PKD1L1: variants seen among roughly 807,000 people sequenced by gnomAD.
PKD1L1 encodes the protein polycystin-1-like protein 1.
A neutral mutation model predicts 323.4 loss-of-function variants in PKD1L1; 236 were observed. The ratio of observed to expected loss-of-function variants is 0.73; its 90% CI spans 0.66 to 0.81. PKD1L1 has a LOEUF of 0.81. PKD1L1 is among the 40% of genes least tolerant of loss of function. The probability of loss-of-function intolerance (pLI) is 0.00; values close to 1 mark genes in which losing one functional copy is unlikely to be tolerated. For synonymous variants in PKD1L1, 1,344 were observed against 1,335.0 expected (o/e 1.01, Z -0.15); for missense variants, 3,320 against 3,508.0 (o/e 0.95, Z 1.35).
At chr7:47,872,853 T>C (rs6970527) in intron 24 of PKD1L1, among the ~76,000 whole-genome samples, 49,384 of 151,976 alleles carry the variant, frequency 0.32, 8,585 homozygotes, top group African/African-American at 0.43. Flanking sequence ...ACACAAAAAC[T>C]TGCACATAAA....
At chr7:47,841,519 T>C (rs1785563409) in intron 34 of PKD1L1, among the ~76,000 whole-genome samples, 1 of 152,270 alleles carries the variant, frequency 6.6e-6, no homozygotes. Context: ...CAAAACACTG[T>C]CCTGGAATTA....
chr7:47,913,000 T>C (rs1265313529), intron 8 of PKD1L1, among the ~76,000 whole-genome samples: 1 of 151,962 alleles, frequency 6.6e-6, no homozygotes, highest in Non-Finnish European at 1.5e-5. Flanking sequence ...GAATTTCTGA[T>C]TCAGTAGGTC....
chr7:47,813,250 G>A lies in PKD1L1; in HGVS notation c.7217C>T (p.Thr2406Ile). 1 of 1,614,202 alleles carries A rather than the reference G, an allele frequency of 6.2e-7. No individual in the cohort carries two copies. Among genetic ancestry groups the A allele is most frequent in the African/African-American group, 1.3e-5 (1 of 75,062 alleles). Residue 2406 changes from threonine (T) to isoleucine (I), a missense_variant, in exon 49 of 57, where the codon ACA becomes ATA. Thr to Ile is a moderately conservative substitution (Grantham distance 89). Coordinates refer to ENST00000289672, the MANE Select transcript of PKD1L1 (RefSeq NM_138295.5). Reference sequence around the variant, plus strand: ...AGGGCCTCCAACTTCGGGACTACATGTAGGAATAGAGTCTTCGATGAGTGC... The same window carrying A: ...AGGGCCTCCAACTTCGGGACTACATATAGGAATAGAGTCTTCGATGAGTGC... ...FSALIEDSIPTCSPEVGGPEN... is the reference protein window; with the variant it reads ...FSALIEDSIPICSPEVGGPEN...
chr7:47,828,428 C>A (rs1429785827), intron 44 of PKD1L1, among the ~76,000 whole-genome samples: 2 of 151,820 alleles, frequency 1.3e-5, no homozygotes, highest in Non-Finnish European at 2.9e-5. Context: ...TATGAGGGAA[C>A]AAGGGCAACG....
rs1786668571 is a variant in PKD1L1 at position 47,885,779 on chromosome 7, C to T, written c.3112G>A (p.Asp1038Asn). The T allele has an allele frequency of 6.2e-7, 1 of 1,614,096 alleles. No individual in the cohort carries two copies. The highest frequency in any genetic ancestry group is 1.7e-5 in the Admixed American group (1 of 60,006). The change falls in exon 18 of 57, where the codon GAC (aspartate) becomes AAC (asparagine). Residue 1038 changes from aspartate (D) to asparagine (N), a missense_variant. By Grantham distance (23) the Asp-to-Asn change is conservative. Transcript: ENST00000289672. ...TTGCTCTGTGGCCCTGGCTCTAGGT[C>T]TAGTGAACCTTCCTCTGGAGCCTCC... ...LGEAPEEGSLDLEPGPQSKGS... is the reference protein window; with the variant it reads ...LGEAPEEGSLNLEPGPQSKGS...
intron 7 of PKD1L1, among the ~76,000 whole-genome samples, chr7:47,926,724 C>T (rs2686816): frequency 0.42 from 63,621 of 152,020 alleles, 14,694 homozygotes; most frequent in East Asian, 0.51. Context: ...CAAGGGAAGC[C>T]AGCAAATCAC....
chr7:47,886,285 C>T (rs112301956), intron 17 of PKD1L1, among the ~76,000 whole-genome samples: 2 of 152,018 alleles, frequency 1.3e-5, no homozygotes, highest in Admixed American at 6.5e-5. Context: ...GGATTCACAG[C>T]GATTGCACCT....
Position 47,834,958 on chromosome 7 carries a change from T to C in PKD1L1, c.6127+9A>G, listed in dbSNP as rs1785425185. On this transcript the variant is annotated intron_variant, in intron 39 of 56. Transcript: ENST00000289672. Reference sequence around the variant, plus strand: ...CGGAGAGTTTCTGAGAGTTTTAATGTACATTTACCATGGGGTGCCTCGGTC... The same window carrying C: ...CGGAGAGTTTCTGAGAGTTTTAATGCACATTTACCATGGGGTGCCTCGGTC... 13 of 1,612,498 alleles carry C rather than the reference T, an allele frequency of 8.1e-6. No homozygotes were observed. The highest frequency in any genetic ancestry group is 1.3e-5 in the African/African-American group (1 of 74,914).
Position 47,931,363 on chromosome 7 carries a change from C to T in PKD1L1, c.520-42G>A, listed in dbSNP as rs200469616. On this transcript the variant is annotated intron_variant, in intron 5 of 56. Transcript: ENST00000289672. ...CAGTTCAGGGTTTATTGAATGGCCT[C>T]GTCTGGCATCAGTAGCTGATGTCCG... is the stretch of plus-strand genomic sequence containing the variant. 111 of 1,599,906 alleles carry T rather than the reference C, an allele frequency of 6.9e-5. No individual in the cohort carries two copies. In the East Asian group the frequency reaches 1.4e-3, roughly 20 times the overall value.
chr7:47,819,728 A>G, intron 46 of PKD1L1: 1 of 436,020 alleles, frequency 2.3e-6, no homozygotes, highest in South Asian at 1.9e-5. Context: ...TTACCTTACG[A>G]GTGGGTCACA....
At chr7:47,799,158 G>T (rs969423234) in intron 54 of PKD1L1, among the ~76,000 whole-genome samples, 2 of 152,212 alleles carry the variant, frequency 1.3e-5, no homozygotes, top group African/African-American at 4.8e-5. Flanking sequence ...ATGAGTGAGT[G>T]CATGAATGAA....
upstream of PKD1L1, among the ~76,000 whole-genome samples, chr7:47,951,912 A>C (rs1788210520): frequency 6.6e-6 from 1 of 152,064 alleles, no homozygotes; most frequent in African/African-American, 2.4e-5. Context: ...CTCCAAATGG[A>C]GCTTCCCGGG....
rs1231557720 is a variant in PKD1L1, at chr7:47,947,966, T to G, written c.44+431A>C. 2.6e-5 allele frequency among the ~76,000 whole-genome samples: 4 copies of G among 151,674 alleles called. No individual in the cohort carries two copies. The East Asian group carries it at 7.7e-4, about 29-fold the overall frequency. Reference sequence around the variant, plus strand: ...CTGGGCAACAGAGAGAGACTCCGTCTCAAAAAAAAAGAAATAAGACCCCTG... The same window carrying G: ...CTGGGCAACAGAGAGAGACTCCGTCGCAAAAAAAAAGAAATAAGACCCCTG... On this transcript the variant is annotated intron_variant, in intron 1 of 56. Coordinates refer to ENST00000289672, the MANE Select transcript of PKD1L1 (RefSeq NM_138295.5).
the PKD1L1 span, among the ~76,000 whole-genome samples, chr7:47,960,650 A>G: frequency 6.6e-6 from 1 of 151,194 alleles, no homozygotes; most frequent in African/African-American, 2.4e-5. Flanking sequence ...TTCCTGAACA[A>G]TAAGATGTAT....
At chr7:47,791,697 T>C (rs528788489) in intron 56 of PKD1L1, among the ~76,000 whole-genome samples, 19 of 152,356 alleles carry the variant, frequency 1.2e-4, no homozygotes, top group South Asian at 6.2e-4. Context: ...TGTTCTTCCC[T>C]GGGTTGTTGT....
rs1785595511 is a variant in PKD1L1 at position 47,843,081 on chromosome 7, G to A, written c.5326C>T (p.His1776Tyr). The A allele has an allele frequency of 2.5e-6, 4 of 1,613,740 alleles. No homozygotes were observed. Among genetic ancestry groups the A allele is most frequent in the Middle Eastern group, 1.7e-4 (1 of 6,056 alleles). ...FLVAKSRQVD[H>Y]HEKKKAGYIF... is the part of the protein sequence containing the mutation. ...TAACCAGCTTTCTTTTTTTCATGAT[G>A]ATCTACTTGTCTACTTTTAGCGACC... Residue 1776 changes from histidine (H) to tyrosine (Y), a missense_variant, in exon 34 of 57, where the codon CAT becomes TAT. Physicochemically the swap from His to Tyr is moderately conservative, Grantham distance 83. Transcript: ENST00000289672.
At chr7:47,889,272 A>C (rs1171712070) in intron 16 of PKD1L1, among the ~76,000 whole-genome samples, 1 of 152,226 alleles carries the variant, frequency 6.6e-6, no homozygotes. Flanking sequence ...CACATATTGA[A>C]AGACTATTTT....
chr7:47,810,858 C>T (rs1784877106), intron 50 of PKD1L1, among the ~76,000 whole-genome samples: 1 of 152,204 alleles, frequency 6.6e-6, no homozygotes, highest in Non-Finnish European at 1.5e-5. Flanking sequence ...CCCTTGAATT[C>T]ACAGGTGGAA....
chr7:47,842,065 T>C (rs1031392759), intron 34 of PKD1L1, among the ~76,000 whole-genome samples: 2 of 152,234 alleles, frequency 1.3e-5, no homozygotes, highest in South Asian at 2.1e-4. Flanking sequence ...CAATGATAAA[T>C]AGCAGTGCTG....
Sources: gnomAD v4.1 joint callset for allele counts (sites outside exome capture counted in the v4.1 genomes callset) on GRCh38, gnomAD v4.1.1 for gene constraint, MANE v1.5 for transcripts, NCBI Gene and HGNC (gene_info 2026-07-23, HGNC 2026-07-21) for gene names.